The following CNTN4 variants were observed in gnomAD, a reference collection of about 807,000 sequenced individuals.
CNTN4 encodes contactin-4.
Under a neutral mutation model 122.5 loss-of-function variants are expected in CNTN4, and 77 were observed. That is an observed-to-expected ratio of 0.63 (90% CI 0.52 to 0.76). The LOEUF is 0.76. Ranked by LOEUF, CNTN4 falls within the 30% of genes least tolerant of loss-of-function variation. The pLI is 0.00. For missense variants in CNTN4, 1,256 were observed against 1,259.1 expected, an observed-to-expected ratio of 1.00 and a Z score of 0.04; for synonymous variants, 512 against 447.0, an observed-to-expected ratio of 1.15 and a Z score of -1.83.
intron 4 of CNTN4, among the ~76,000 whole-genome samples, chr3:2,621,127 G>A (rs992253517): frequency 1.3e-5 from 2 of 149,176 alleles, no homozygotes; most frequent in African/African-American, 2.5e-5. Context: ...GCATGTTCGT[G>A]GACACATAGA....
intron 3 of CNTN4, among the ~76,000 whole-genome samples, chr3:2,406,589 T>A (rs752294069): frequency 6.6e-6 from 1 of 152,146 alleles, no homozygotes; most frequent in Non-Finnish European, 1.5e-5. Context: ...CTCTGTACTA[T>A]TTTTGTAATT....
chr3:2,761,438 C>CTGTGTGTGTG (rs113454553), intron 6 of CNTN4, among the ~76,000 whole-genome samples: 2,083 of 92,668 alleles, frequency 0.022, 23 homozygotes, highest in Middle Eastern at 0.041. Context: ...TAAGTGTAAC[C>CTGTGTGTGTG]TGTGTGTGTG....
At chr3:2,368,024 A>C (rs943644918) in intron 3 of CNTN4, among the ~76,000 whole-genome samples, 2 of 142,004 alleles carry the variant, frequency 1.4e-5, no homozygotes, top group Non-Finnish European at 3.0e-5. Context: ...ACAGCTAGAA[A>C]ACTTCTTTTT....
At chr3:2,294,781 C>G (rs1330805520) in intron 2 of CNTN4, among the ~76,000 whole-genome samples, 5 of 152,150 alleles carry the variant, frequency 3.3e-5, no homozygotes, top group African/African-American at 4.8e-5. Flanking sequence ...CACCCATTAA[C>G]TCGTCATTTA....
intron 3 of CNTN4, among the ~76,000 whole-genome samples, chr3:2,542,682 T>C (rs2078081011): frequency 1.3e-5 from 2 of 152,116 alleles, no homozygotes; most frequent in African/African-American, 4.8e-5. Flanking sequence ...GAGGCTTCTG[T>C]CATCATAGAG....
At position 2,131,477 on chromosome 3, in the gene CNTN4, T is replaced by C. The variant is rs144274782; in HGVS notation, c.-145+30838T>C. 3.3e-3 allele frequency among the ~76,000 whole-genome samples: 510 copies of C among 152,268 alleles called. 2 individuals carry two copies. Among genetic ancestry groups the C allele is most frequent in the African/African-American group, 0.011 (469 of 41,564 alleles). ...TCTTGGCCATTTCCATTAGAATAAATATACTTCTAGTAGCAGTAAGATTCA... is the reference window on the plus strand; with the variant it reads ...TCTTGGCCATTTCCATTAGAATAAACATACTTCTAGTAGCAGTAAGATTCA... On this transcript the variant is annotated intron_variant, in intron 2 of 24. Coordinates refer to ENST00000418658, the MANE Select transcript of CNTN4 (RefSeq NM_175607.3).
intron 3 of CNTN4, among the ~76,000 whole-genome samples, chr3:2,444,642 AT>A (rs1312143599): frequency 6.6e-6 from 1 of 152,054 alleles, no homozygotes; most frequent in Non-Finnish European, 1.5e-5. Context: ...TCAAAGTAGG[AT>A]TTTAAATTGT....
chr3:2,501,674 G>A (rs2076598040), intron 3 of CNTN4, among the ~76,000 whole-genome samples: 1 of 152,128 alleles, frequency 6.6e-6, no homozygotes, highest in East Asian at 1.9e-4. Context: ...CCTCTCATAA[G>A]GACCCCTGTG....
At chr3:2,271,655 A>G (rs1435579415) in intron 2 of CNTN4, among the ~76,000 whole-genome samples, 1 of 152,144 alleles carries the variant, frequency 6.6e-6, no homozygotes, top group African/African-American at 2.4e-5. Flanking sequence ...TTCTTCCTAG[A>G]TTACCTTGGT....
At chr3:2,763,377 T>C (rs190414889) in intron 6 of CNTN4, among the ~76,000 whole-genome samples, 2 of 152,362 alleles carry the variant, frequency 1.3e-5, no homozygotes, top group East Asian at 3.9e-4. Context: ...AGATGCTAGA[T>C]ATTAGACCTT....
At chr3:2,817,612 T>G (rs994518386) in intron 6 of CNTN4, among the ~76,000 whole-genome samples, 2 of 152,230 alleles carry the variant, frequency 1.3e-5, no homozygotes, top group Admixed American at 1.3e-4. Context: ...ATTTCTCATT[T>G]TCTTTCTCAT....
intron 3 of CNTN4, chr3:2,362,444 T>A (rs1018941839): frequency 2.5e-5 from 10 of 404,366 alleles, no homozygotes; most frequent in African/African-American, 1.1e-4. Flanking sequence ...GACCATCGCC[T>A]CCCAGCCTAC....
intron 2 of CNTN4, among the ~76,000 whole-genome samples, chr3:2,199,653 C>A (rs769152181): frequency 5.3e-5 from 8 of 152,094 alleles, no homozygotes; most frequent in Non-Finnish European, 1.0e-4. Flanking sequence ...ACAAAATAGT[C>A]AAAATATAGA....
chr3:2,356,875 A>G (rs111907478), intron 3 of CNTN4, among the ~76,000 whole-genome samples: 388 of 152,352 alleles, frequency 2.5e-3, no homozygotes, highest in African/African-American at 7.1e-3. Context: ...TCTTTGGAAT[A>G]TCTAGCTTCT....
intron 2 of CNTN4, among the ~76,000 whole-genome samples, chr3:2,192,183 T>G (rs2037602231): frequency 6.6e-6 from 1 of 152,314 alleles, no homozygotes; most frequent in East Asian, 1.9e-4. Flanking sequence ...AGTGCCACAG[T>G]AAACATACGT....
chr3:2,895,133 G>A (rs1044466253), intron 10 of CNTN4, among the ~76,000 whole-genome samples: 1 of 152,114 alleles, frequency 6.6e-6, no homozygotes, highest in African/African-American at 2.4e-5. Context: ...GCACCACCAT[G>A]CCCGGCTAAT....
chr3:2,661,637 A>T (rs952823320), intron 4 of CNTN4, among the ~76,000 whole-genome samples: 2 of 151,870 alleles, frequency 1.3e-5, no homozygotes, highest in African/African-American at 4.8e-5. Context: ...ACATGGAGAA[A>T]CCCTGTCTCT....
intron 3 of CNTN4, among the ~76,000 whole-genome samples, chr3:2,405,914 C>G (rs1338098925): frequency 6.6e-6 from 1 of 151,844 alleles, no homozygotes; most frequent in Non-Finnish European, 1.5e-5. Context: ...GTAGTCCTAG[C>G]TACTCAGGAG....
intron 3 of CNTN4, among the ~76,000 whole-genome samples, chr3:2,527,404 A>G (rs1246436866): frequency 4.3e-5 from 6 of 141,050 alleles, no homozygotes; most frequent in Non-Finnish European, 3.2e-5. Flanking sequence ...ATGAGGGAAC[A>G]ATGTATGCTG....
Sources: allele counts gnomAD v4.1 joint callset (sites outside exome capture counted in the v4.1 genomes callset), GRCh38; gene constraint gnomAD v4.1.1; transcripts MANE v1.5; gene names NCBI Gene and HGNC (gene_info 2026-07-23, HGNC 2026-07-21).